The following CFAP58 variants were observed in gnomAD, a reference collection of about 807,000 sequenced individuals.
CFAP58 encodes the protein cilia and flagella associated protein 58, also known as cilia- and flagella-associated protein 58.
CFAP58 carries 88 observed loss-of-function variants against 119.5 expected under a neutral mutation model. That is an observed-to-expected ratio of 0.74 (90% CI 0.62 to 0.88). CFAP58 has a LOEUF of 0.88. Among genes scored for constraint, CFAP58 ranks in the 40% least tolerant of loss-of-function variants. The probability of loss-of-function intolerance (pLI) is 0.00; values close to 1 mark genes in which losing one functional copy is unlikely to be tolerated. For synonymous variants in CFAP58, 365 were observed against 366.3 expected (o/e 1.00, Z 0.04); for missense variants, 990 against 1,021.2 (o/e 0.97, Z 0.42).
chr10:104,361,234 C>G (rs67913518), intron 2 of CFAP58, among the ~76,000 whole-genome samples: 3 of 152,164 alleles, frequency 2.0e-5, no homozygotes, highest in Non-Finnish European at 4.4e-5. Context: ...CATTTTATAA[C>G]AGTAAGGAAG....
At chr10:104,365,399 A>ATGAT (rs2014728099) in intron 4 of CFAP58, among the ~76,000 whole-genome samples, 1 of 152,136 alleles carries the variant, frequency 6.6e-6, no homozygotes, top group South Asian at 2.1e-4. Flanking sequence ...ATCAAGATAA[A>ATGAT]CCTATAATGC....
chr10:104,370,042 G>C (rs574769043), intron 6 of CFAP58, among the ~76,000 whole-genome samples: 1 of 152,088 alleles, frequency 6.6e-6, no homozygotes, highest in Non-Finnish European at 1.5e-5. Context: ...TGTATACCTA[G>C]AGACCAACAT....
chr10:104,350,004 G>T (rs2014441076), upstream of CFAP58, among the ~76,000 whole-genome samples: 3 of 152,178 alleles, frequency 2.0e-5, no homozygotes, highest in Admixed American at 2.0e-4. Flanking sequence ...AAAGTCGAAA[G>T]GGCCAGATTA....
chr10:104,438,341 G>T (rs866480496), intron 15 of CFAP58, among the ~76,000 whole-genome samples: 1,115 of 101,204 alleles, frequency 0.011, 14 homozygotes, highest in African/African-American at 0.015. Context: ...TTTGTTTTTT[G>T]TTTTTTGTTT....
At chr10:104,408,501 T>C (rs188573240) in intron 15 of CFAP58, among the ~76,000 whole-genome samples, 146 of 152,330 alleles carry the variant, frequency 9.6e-4, no homozygotes, top group African/African-American at 3.4e-3. Context: ...TCTGTGCAGC[T>C]GGTTAAGTGC....
Position 104,358,076 on chromosome 10 carries a change from CAT to C in CFAP58, c.10-257_10-256del, listed in dbSNP as rs757296676. Among the ~76,000 whole-genome samples the C allele has an allele frequency of 5.7e-3, 822 of 144,266 alleles. 21 individuals carry two copies. The highest frequency in any genetic ancestry group is 0.014 in the African/African-American group (500 of 36,720). The allele number at this position is 144,266 out of a possible 152,430, so 94.6% of individuals were successfully genotyped here. On this transcript the variant is annotated intron_variant, in intron 1 of 17. Transcript: ENST00000369704. ...ATATGTACATATATACACATATGTA[CAT>C]ATATATACACACATATATATGTACA...
intron 15 of CFAP58, among the ~76,000 whole-genome samples, chr10:104,447,067 G>T (rs539739035): frequency 3.7e-4 from 55 of 150,634 alleles, no homozygotes; most frequent in African/African-American, 1.1e-3. Context: ...ACAGCTCATT[G>T]CTCCCTCGAT....
intron 15 of CFAP58, among the ~76,000 whole-genome samples, chr10:104,408,809 T>C (rs915797225): frequency 3.3e-5 from 5 of 152,078 alleles, no homozygotes; most frequent in Non-Finnish European, 7.4e-5. Context: ...TTTAAATAAT[T>C]TATTTAGGGT....
At chr10:104,446,659 T>A (rs2013116449) in intron 15 of CFAP58, among the ~76,000 whole-genome samples, 2 of 152,226 alleles carry the variant, frequency 1.3e-5, no homozygotes, top group African/African-American at 4.8e-5. Context: ...GAAATAAATG[T>A]GTACAGAGAC....
intron 9 of CFAP58, among the ~76,000 whole-genome samples, chr10:104,386,061 G>GC (rs796163397): frequency 1.8e-5 from 2 of 113,848 alleles, no homozygotes; most frequent in African/African-American, 7.2e-5. Flanking sequence ...TTCCTTTTTT[G>GC]CTTTTTTTTT....
intron 15 of CFAP58, among the ~76,000 whole-genome samples, chr10:104,422,105 C>T (rs186107629): frequency 1.5e-3 from 221 of 152,068 alleles, no homozygotes; most frequent in African/African-American, 2.9e-3. Context: ...GAGAATCGCT[C>T]GAAGGTTGCA....
intron 11 of CFAP58, among the ~76,000 whole-genome samples, chr10:104,397,405 T>C (rs2133038933): frequency 6.6e-6 from 1 of 152,362 alleles, no homozygotes; most frequent in East Asian, 1.9e-4. Context: ...TGTTTTATAG[T>C]ACCTGGTTGC....
rs141395976 is a variant in CFAP58 at position 104,373,414 on chromosome 10, G to A, written c.1090+2360G>A. 3.2e-3 allele frequency among the ~76,000 whole-genome samples: 491 copies of A among 152,110 alleles called. 5 individuals carry two copies. The highest frequency in any genetic ancestry group is 0.011 in the African/African-American group (436 of 41,496). ...TTTGGGAGGCTGAGACAGAAGGATC[G>A]CTTAAGGCTAGGGGTTCAAGGCCAG... On this transcript the variant is annotated intron_variant, in intron 7 of 17. Transcript: ENST00000369704.
At chr10:104,418,520 C>G (rs117279469) in intron 15 of CFAP58, among the ~76,000 whole-genome samples, 2,967 of 152,212 alleles carry the variant, frequency 0.019, 49 homozygotes, top group South Asian at 0.054. Flanking sequence ...TGCAGTCCGG[C>G]CTGGGTGAAA....
chr10:104,361,508 A>T (rs2014665867), intron 2 of CFAP58, among the ~76,000 whole-genome samples: 1 of 152,220 alleles, frequency 6.6e-6, no homozygotes, highest in Non-Finnish European at 1.5e-5. Flanking sequence ...CTATCAATTT[A>T]GGGCTTGGAT....
upstream of CFAP58, chr10:104,353,639 A>C (rs2014496626): frequency 2.0e-6 from 1 of 489,914 alleles, no homozygotes; most frequent in Admixed American, 3.4e-5. Context: ...GCTCCGCCCC[A>C]TTGGGATATA....
At chr10:104,357,894 TATATGTACAC>T (rs2014584691) in intron 1 of CFAP58, among the ~76,000 whole-genome samples, 2 of 118,330 alleles carry the variant, frequency 1.7e-5, no homozygotes, top group Non-Finnish European at 1.7e-5. Flanking sequence ...TATATAAACA[TATATGTACAC>T]ATATACACAC....
the CFAP58 span, among the ~76,000 whole-genome samples, chr10:104,342,911 C>T: frequency 6.7e-6 from 1 of 149,060 alleles, no homozygotes; most frequent in African/African-American, 2.5e-5. Context: ...GGGAGCTTCA[C>T]ACCACATCTC....
At chr10:104,389,216 G>A (rs2011985473) in intron 9 of CFAP58, among the ~76,000 whole-genome samples, 1 of 152,116 alleles carries the variant, frequency 6.6e-6, no homozygotes, top group Admixed American at 6.5e-5. Flanking sequence ...CTTGTAAATT[G>A]TCTTTTCTGC....
Sources: allele counts gnomAD v4.1 joint callset (sites outside exome capture counted in the v4.1 genomes callset), GRCh38; gene constraint gnomAD v4.1.1; transcripts MANE v1.5; gene names NCBI Gene and HGNC (gene_info 2026-07-23, HGNC 2026-07-21).